Variants in C4orf51 observed in about 807,000 individuals in gnomAD.
The protein encoded by C4orf51 is chromosome 4 open reading frame 51.
In C4orf51, 25 loss-of-function variants were observed where a neutral mutation model predicts 25.2. The observed-to-expected ratio is 0.99, with a 90% CI of 0.72 to 1.39. C4orf51 has a LOEUF of 1.39. Among genes scored for constraint, C4orf51 ranks in the 40% most tolerant of loss-of-function variants. C4orf51 has a pLI of 0.00. For synonymous variants in C4orf51, 100 were observed against 84.5 expected, an observed-to-expected ratio of 1.18 and a Z score of -1.01; for missense variants, 252 against 239.6, an observed-to-expected ratio of 1.05 and a Z score of -0.34.
intron 1 of C4orf51, among the ~76,000 whole-genome samples, chr4:145,748,000 G>A (rs1733461814): frequency 6.6e-6 from 1 of 151,962 alleles, no homozygotes; most frequent in Non-Finnish European, 1.5e-5. Context: ...TCATGTCTCA[G>A]GCTTTTTTTT....
At chr4:145,703,723 C>G (rs1034065854) in intron 2 of C4orf51, among the ~76,000 whole-genome samples, 2 of 152,098 alleles carry the variant, frequency 1.3e-5, no homozygotes, top group South Asian at 4.1e-4. Context: ...CTAGGAGTTT[C>G]TTGTTTTCAG....
At chr4:145,694,323 T>C (rs1363883909) in intron 1 of C4orf51, among the ~76,000 whole-genome samples, 2 of 138,558 alleles carry the variant, frequency 1.4e-5, no homozygotes, top group East Asian at 5.0e-4. Context: ...TCCCAGACGA[T>C]GGGCAGCCAG....
At chr4:145,729,294 GTGA>G in intron 4 of C4orf51, 65 bp downstream of exon 4, 4 of 392,484 alleles carry the variant, frequency 1.0e-5, no homozygotes, top group Non-Finnish European at 1.6e-5. Flanking sequence ...TCGTGGTCAT[GTGA>G]TTTTTTTTTT....
chr4:145,721,214 G>T (rs1196826127), intron 2 of C4orf51, among the ~76,000 whole-genome samples: 2 of 151,932 alleles, frequency 1.3e-5, no homozygotes, highest in African/African-American at 4.8e-5. Context: ...GTGTGGTGGT[G>T]GGCGCCTATA....
At chr4:145,684,550 G>C (rs1000000468) in intron 1 of C4orf51, among the ~76,000 whole-genome samples, 3 of 152,186 alleles carry the variant, frequency 2.0e-5, no homozygotes, top group African/African-American at 4.8e-5. Context: ...AAAATAATGA[G>C]ATAACATTAC....
At position 145,762,095 on chromosome 4, in the gene C4orf51, G is replaced by A. The variant is rs368137590; in HGVS notation, n.167-8893G>A. On this transcript the variant is annotated intron_variant and non_coding_transcript_variant, in intron 1 of 1. Transcript: ENST00000510096. This position sits in a 1 kb window ranked among gnomAD's most constrained non-coding sequence, Gnocchi z 4.9. Reference sequence around the variant, plus strand: ...TTAAAGAACAGCTTATAGGGGGAGCGCTACCTCCAGCAAACAGAAAGTCAC... The same window carrying A: ...TTAAAGAACAGCTTATAGGGGGAGCACTACCTCCAGCAAACAGAAAGTCAC... Among the ~76,000 whole-genome samples, 2 of 152,260 alleles carry A rather than the reference G, an allele frequency of 1.3e-5. No homozygotes were observed. Among genetic ancestry groups the A allele is most frequent in the East Asian group, 3.9e-4 (2 of 5,182 alleles).
chr4:145,709,309 T>C (rs1731006359), intron 2 of C4orf51, among the ~76,000 whole-genome samples: 1 of 152,160 alleles, frequency 6.6e-6, no homozygotes, highest in African/African-American at 2.4e-5. Context: ...ACTGAAAAAC[T>C]TACCCCTAGA....
At chr4:145,775,441 A>G (rs1339610421), downstream of C4orf51, among the ~76,000 whole-genome samples, 3 of 151,416 alleles carry the variant, frequency 2.0e-5, no homozygotes, top group Non-Finnish European at 4.4e-5. Context: ...TTTTTTTTTA[A>G]ACAATTCTTA....
At chr4:145,755,017 C>A (rs910023777), downstream of C4orf51, among the ~76,000 whole-genome samples, 5 of 152,136 alleles carry the variant, frequency 3.3e-5, no homozygotes, top group African/African-American at 1.2e-4. Context: ...CATTCTTTTC[C>A]CTTCACTGAG....
At chr4:145,754,415 G>A (rs1233416819), downstream of C4orf51, 1 of 152,362 alleles carries the variant, frequency 6.6e-6, no homozygotes, top group South Asian at 2.1e-4. Context: ...TCAGAGCTCA[G>A]TGGTCACAGT....
At chr4:145,690,126 G>A (rs572179828) in intron 1 of C4orf51, among the ~76,000 whole-genome samples, 2 of 151,674 alleles carry the variant, frequency 1.3e-5, no homozygotes, top group East Asian at 3.9e-4. Context: ...AGAATCACTT[G>A]AACCCGGGAG....
Position 145,745,033 on chromosome 4 carries a change from T to C in C4orf51, n.168-9174T>C, listed in dbSNP as rs184519983. 7.9e-5 allele frequency among the ~76,000 whole-genome samples: 12 copies of C among 152,348 alleles called. No individual in the cohort carries two copies. The East Asian group carries it at 1.3e-3, about 17-fold the overall frequency. On this transcript the variant is annotated intron_variant and non_coding_transcript_variant, in intron 1 of 1. Coordinates refer to the C4orf51 transcript ENST00000508981. ...TCATACATTTTCATCAATCTGTTTT[T>C]ATATTAAATAGAACAAAGAAAAAAT... is the stretch of plus-strand genomic sequence containing the variant.
chr4:145,740,819 T>C (rs562139666), intron 1 of C4orf51, among the ~76,000 whole-genome samples: 1 of 152,364 alleles, frequency 6.6e-6, no homozygotes, highest in South Asian at 2.1e-4. Context: ...ATAATGTTTA[T>C]ATTTGTGATT....
the C4orf51 span, among the ~76,000 whole-genome samples, chr4:145,778,212 C>T: frequency 1.3e-5 from 2 of 152,140 alleles, no homozygotes; most frequent in Admixed American, 1.3e-4. Context: ...TGGCTCACTG[C>T]AACTTCCACC....
intron 2 of C4orf51, among the ~76,000 whole-genome samples, chr4:145,705,467 T>C (rs1373571043): frequency 6.6e-6 from 1 of 152,134 alleles, no homozygotes; most frequent in Non-Finnish European, 1.5e-5. Context: ...TGTAACATTT[T>C]CCCCCTCAAG....
chr4:145,785,090 G>A, the C4orf51 span, among the ~76,000 whole-genome samples: 7 of 152,144 alleles, frequency 4.6e-5, no homozygotes, highest in African/African-American at 1.4e-4. Context: ...AAGCAAATAG[G>A]TGTGTAGGAT....
chr4:145,718,519 C>T (rs1731540274), intron 2 of C4orf51, among the ~76,000 whole-genome samples: 1 of 152,180 alleles, frequency 6.6e-6, no homozygotes, highest in Admixed American at 6.5e-5. Context: ...AAAGCCTTTC[C>T]AAGCCTTGAA....
the C4orf51 span, among the ~76,000 whole-genome samples, chr4:145,783,003 G>T: frequency 2.6e-5 from 4 of 152,052 alleles, no homozygotes; most frequent in Non-Finnish European, 5.9e-5. Flanking sequence ...CTGTCCCAGG[G>T]AACTTTTATG....
At chr4:145,686,321 T>C (rs1369897430) in intron 1 of C4orf51, among the ~76,000 whole-genome samples, 2 of 152,216 alleles carry the variant, frequency 1.3e-5, no homozygotes, top group Non-Finnish European at 2.9e-5. Context: ...GTTCTAGAGA[T>C]GGATAGTAGT....
Sources: allele counts gnomAD v4.1 joint callset (sites outside exome capture counted in the v4.1 genomes callset), GRCh38; gene constraint gnomAD v4.1.1; non-coding constraint Gnocchi (gnomAD v3.1); transcripts MANE v1.5; gene names NCBI Gene and HGNC (gene_info 2026-07-23, HGNC 2026-07-21).